Variants in ZFYVE1 observed in about 807,000 individuals in gnomAD.
ZFYVE1 encodes zinc finger FYVE-type containing 1, also known as zinc finger FYVE domain-containing protein 1.
ZFYVE1 carries 30 observed loss-of-function variants against 74.4 expected under a neutral mutation model. That is an observed-to-expected ratio of 0.40 (90% CI 0.30 to 0.55). The LOEUF is 0.55. ZFYVE1 is among the 20% of genes least tolerant of loss of function. The pLI, the probability that ZFYVE1 is intolerant of heterozygous loss-of-function variation, is 0.42. For synonymous variants in ZFYVE1, 335 were observed against 385.1 expected (o/e 0.87, Z 1.52); for missense variants, 703 against 1,011.6 (o/e 0.69, Z 4.14).
At chr14:72,977,145 C>T (rs1308202156) in intron 8 of ZFYVE1, among the ~76,000 whole-genome samples, 5 of 152,338 alleles carry the variant, frequency 3.3e-5, no homozygotes, top group South Asian at 2.1e-4. Flanking sequence ...CGGTGGCTCA[C>T]GCCCATAATC....
At chr14:73,025,320 T>C (rs879312292) in intron 1 of ZFYVE1, among the ~76,000 whole-genome samples, 3 of 151,890 alleles carry the variant, frequency 2.0e-5, no homozygotes, top group Non-Finnish European at 4.4e-5. Flanking sequence ...CTGCCCGCCT[T>C]GGCCTCCCAA....
intron 11 of ZFYVE1, 97 bp from the exon 12 acceptor site, chr14:72,971,211 C>T (rs974977194): frequency 8.3e-7 from 1 of 1,201,934 alleles, no homozygotes; most frequent in Non-Finnish European, 1.2e-6. Context: ...CTTATAATCC[C>T]AACTGCACAC....
intron 4 of ZFYVE1, among the ~76,000 whole-genome samples, chr14:72,988,201 G>C (rs1348438254): frequency 6.9e-6 from 1 of 144,228 alleles, no homozygotes; most frequent in Non-Finnish European, 1.5e-5. Context: ...TTGAGACAGA[G>C]TCTTGCTCTG....
At chr14:72,981,121 G>A (rs1456422459) in intron 5 of ZFYVE1, among the ~76,000 whole-genome samples, 1 of 152,144 alleles carries the variant, frequency 6.6e-6, no homozygotes, top group African/African-American at 2.4e-5. Flanking sequence ...GAATCTCAAG[G>A]TGATGCATAC....
chr14:73,002,431 A>T (rs1313498045), intron 2 of ZFYVE1, among the ~76,000 whole-genome samples: 1 of 149,500 alleles, frequency 6.7e-6, no homozygotes, highest in African/African-American at 2.5e-5. Flanking sequence ...ACATCTCAAT[A>T]CAGTTTTTGG....
intron 1 of ZFYVE1, among the ~76,000 whole-genome samples, chr14:73,026,249 C>T (rs1362941113): frequency 6.6e-6 from 1 of 151,658 alleles, no homozygotes; most frequent in Admixed American, 6.6e-5. Context: ...TAAAAACTAA[C>T]TTAAAAATAA....
chr14:72,983,860 T>C (rs1395707325), intron 4 of ZFYVE1, among the ~76,000 whole-genome samples: 1 of 152,200 alleles, frequency 6.6e-6, no homozygotes, highest in Non-Finnish European at 1.5e-5. Context: ...TGTTGTTTCC[T>C]GGCCATCAGA....
chr14:72,978,472 C>A (rs1480507050), intron 6 of ZFYVE1, among the ~76,000 whole-genome samples: 1 of 140,696 alleles, frequency 7.1e-6, no homozygotes, highest in Non-Finnish European at 1.5e-5. Flanking sequence ...GAGGCTCAGG[C>A]AGGAGAATTG....
intron 8 of ZFYVE1, among the ~76,000 whole-genome samples, chr14:72,976,242 C>T (rs986339398): frequency 2.0e-5 from 3 of 152,172 alleles, no homozygotes; most frequent in African/African-American, 7.2e-5. Flanking sequence ...AAACAAACAG[C>T]AGGGAAGGCA....
At chr14:72,993,673 T>C (rs1044393816) in intron 3 of ZFYVE1, among the ~76,000 whole-genome samples, 1 of 151,692 alleles carries the variant, frequency 6.6e-6, no homozygotes, top group African/African-American at 2.4e-5. Flanking sequence ...CACTATAGCC[T>C]GGGAGACAAA....
intron 2 of ZFYVE1, among the ~76,000 whole-genome samples, chr14:73,012,155 A>AAAGG (rs1894104184): frequency 1.3e-5 from 2 of 152,184 alleles, no homozygotes; most frequent in South Asian, 4.1e-4. Context: ...AAGCAAAGGG[A>AAAGG]AAGGTAGGGA....
chr14:73,022,789 A>G (rs1465557340), intron 2 of ZFYVE1, among the ~76,000 whole-genome samples: 2 of 151,928 alleles, frequency 1.3e-5, no homozygotes, highest in Non-Finnish European at 1.5e-5. Flanking sequence ...CATCTCCCCA[A>G]CTCAGACTCA....
chr14:73,025,601 C>A (rs1791391754), intron 1 of ZFYVE1, among the ~76,000 whole-genome samples: 1 of 146,702 alleles, frequency 6.8e-6, no homozygotes, highest in African/African-American at 2.5e-5. Flanking sequence ...GAGGCTGAGG[C>A]AGGAGAATCA....
intron 2 of ZFYVE1, among the ~76,000 whole-genome samples, chr14:73,014,467 A>T (rs1438015117): frequency 1.3e-5 from 2 of 152,242 alleles, no homozygotes; most frequent in Non-Finnish European, 2.9e-5. Flanking sequence ...TGTTAAAGGC[A>T]ATGATGGAGG....
intron 4 of ZFYVE1, 22 bp from the exon 5 acceptor site, chr14:72,981,917 A>G (rs1232284562): frequency 2.5e-6 from 4 of 1,610,072 alleles, no homozygotes; most frequent in African/African-American, 1.3e-5. Context: ...GGAAGGTGAC[A>G]TATGATGGCA....
intron 1 of ZFYVE1, among the ~76,000 whole-genome samples, chr14:73,025,176 C>T (rs944149325): frequency 6.6e-6 from 1 of 151,170 alleles, no homozygotes; most frequent in Non-Finnish European, 1.5e-5. Flanking sequence ...TCAAGCGATT[C>T]TCCTGCCTCA....
chr14:72,979,638 C>T (rs1329192260), intron 5 of ZFYVE1, among the ~76,000 whole-genome samples: 1 of 149,404 alleles, frequency 6.7e-6, no homozygotes, highest in Non-Finnish European at 1.5e-5. Flanking sequence ...TGGGCAACAG[C>T]GAGACTCTGT....
chr14:73,012,205 T>G (rs1894105412), intron 2 of ZFYVE1, among the ~76,000 whole-genome samples: 2 of 152,212 alleles, frequency 1.3e-5, no homozygotes, highest in African/African-American at 2.4e-5. Flanking sequence ...ATAGGTTGTC[T>G]GTCAAATATC....
At chr14:72,980,748 T>C (rs1215827916) in intron 5 of ZFYVE1, among the ~76,000 whole-genome samples, 2 of 152,056 alleles carry the variant, frequency 1.3e-5, no homozygotes, top group Non-Finnish European at 2.9e-5. Context: ...TTTTGTATTT[T>C]TAGTAGAGAC....
Sources: allele counts gnomAD v4.1 joint callset (sites outside exome capture counted in the v4.1 genomes callset), GRCh38; gene constraint gnomAD v4.1.1; transcripts MANE v1.5; gene names NCBI Gene and HGNC (gene_info 2026-07-23, HGNC 2026-07-21).